The following PACRG variants were observed in gnomAD, a reference collection of about 807,000 sequenced individuals.
PACRG encodes parkin coregulated.
In PACRG, 29 loss-of-function variants were observed where a neutral mutation model predicts 29.7. The observed-to-expected ratio is 0.98, with a 90% CI of 0.73 to 1.33. PACRG has a LOEUF of 1.33. Ranked by LOEUF, PACRG falls within the 40% of genes most tolerant of loss-of-function variation. The pLI, the probability that PACRG is intolerant of heterozygous loss-of-function variation, is 0.00. For synonymous variants in PACRG, 116 were observed against 118.7 expected (o/e 0.98, Z 0.15); for missense variants, 279 against 316.2 (o/e 0.88, Z 0.89).
chr6:163,100,405 A>G (rs1001445895), intron 4 of PACRG, among the ~76,000 whole-genome samples: 1 of 152,160 alleles, frequency 6.6e-6, no homozygotes. Flanking sequence ...GGGAAGGCCC[A>G]GGCGTCGCGC....
chr6:163,018,996 T>A, intron 2 of PACRG, among the ~76,000 whole-genome samples: 1 of 152,356 alleles, frequency 6.6e-6, no homozygotes, highest in East Asian at 1.9e-4. Flanking sequence ...AATTTAGGCA[T>A]CATTTCCTGA....
rs1033269929 is a variant in PACRG at position 163,200,931 on chromosome 6, G to C, written c.613+111523G>C. 2.6e-5 allele frequency among the ~76,000 whole-genome samples: 4 copies of C among 152,156 alleles called. No individual in the cohort carries two copies. The East Asian group carries it at 7.7e-4, about 29-fold the overall frequency. On this transcript the variant is annotated intron_variant, in intron 4 of 4. Coordinates refer to ENST00000366888, the MANE Select transcript of PACRG (RefSeq NM_001080379.2). ...GGCCCCAGAACCCAGGCACTGGGCC[G>C]GATCAGGCCCCAGGCCCCAGGCCCC...
At chr6:163,223,909 G>A (rs1781684323) in intron 4 of PACRG, among the ~76,000 whole-genome samples, 1 of 152,170 alleles carries the variant, frequency 6.6e-6, no homozygotes, top group Non-Finnish European at 1.5e-5. Flanking sequence ...CCCTGGAAAT[G>A]GGCTCTGAGT....
chr6:163,001,035 C>T (rs951654975), intron 2 of PACRG, among the ~76,000 whole-genome samples: 18 of 152,084 alleles, frequency 1.2e-4, no homozygotes, highest in Non-Finnish European at 2.1e-4. Flanking sequence ...CCGAAAGAGC[C>T]CTGTCTGCAG....
At chr6:162,889,949 T>C (rs999228916) in intron 2 of PACRG, among the ~76,000 whole-genome samples, 28 of 152,236 alleles carry the variant, frequency 1.8e-4, no homozygotes, top group East Asian at 5.8e-4. Context: ...TCAACAGACA[T>C]TGTAATGGTG....
intron 4 of PACRG, among the ~76,000 whole-genome samples, chr6:163,158,728 G>A (rs1204277303): frequency 6.6e-6 from 1 of 152,108 alleles, no homozygotes; most frequent in Non-Finnish European, 1.5e-5. Flanking sequence ...GACATTACTA[G>A]GAAATAATAT....
intron 4 of PACRG, among the ~76,000 whole-genome samples, chr6:163,291,429 G>A (rs1447755403): frequency 6.7e-6 from 1 of 149,392 alleles, no homozygotes; most frequent in African/African-American, 2.5e-5. Flanking sequence ...TGGCCTGCGG[G>A]TCACCCTGCA....
chr6:163,031,616 T>C (rs1467425656), intron 2 of PACRG, among the ~76,000 whole-genome samples: 1 of 152,230 alleles, frequency 6.6e-6, no homozygotes, highest in East Asian at 1.9e-4. Context: ...TGATTATTTG[T>C]ATAAAGTACA....
intron 4 of PACRG, among the ~76,000 whole-genome samples, chr6:163,272,125 A>C (rs1585389292): frequency 7.0e-6 from 1 of 142,456 alleles, no homozygotes. Flanking sequence ...TGCAACCTCC[A>C]CCTCCCAGGT....
At position 162,802,217 on chromosome 6, in the gene PACRG, G is replaced by T. The variant is rs560487550; in HGVS notation, c.157-11930G>T. On this transcript the variant is annotated intron_variant, in intron 1 of 4. Coordinates refer to ENST00000366888, the MANE Select transcript of PACRG (RefSeq NM_001080379.2). Reference sequence around the variant, plus strand: ...ATTTGAGTTGTATTTTTCCCCGCTCGTACTAAACCTAGTAACTTGTGAAAA... The same window carrying T: ...ATTTGAGTTGTATTTTTCCCCGCTCTTACTAAACCTAGTAACTTGTGAAAA... Among the ~76,000 whole-genome samples, 4 of 152,044 alleles carry T rather than the reference G, an allele frequency of 2.6e-5. No homozygotes were observed. The East Asian group carries it at 5.8e-4, about 22-fold the overall frequency.
chr6:163,076,370 AGATCCCCTCTT>A (rs747137566), intron 3 of PACRG, among the ~76,000 whole-genome samples: 5 of 152,098 alleles, frequency 3.3e-5, no homozygotes, highest in Non-Finnish European at 5.9e-5. Context: ...CTCGCTTCCA[AGATCCCCTCTT>A]CCAATTTTCT....
intron 4 of PACRG, among the ~76,000 whole-genome samples, chr6:163,145,047 A>G (rs1777741257): frequency 6.6e-6 from 1 of 152,180 alleles, no homozygotes; most frequent in Admixed American, 6.5e-5. Flanking sequence ...TATTGATGCT[A>G]CATCTCAGTG....
chr6:163,245,296 C>A (rs1782650507), intron 4 of PACRG: 1 of 225,386 alleles, frequency 4.4e-6, no homozygotes, highest in Non-Finnish European at 9.0e-6. Context: ...ACTATCGATT[C>A]TATAAACTAT....
chr6:163,179,750 G>T (rs56242030), intron 4 of PACRG, among the ~76,000 whole-genome samples: 13,409 of 151,642 alleles, frequency 0.088, 639 homozygotes, highest in South Asian at 0.13. Flanking sequence ...TAGTTTTCTT[G>T]CATGGCCTAT....
chr6:163,273,866 TG>T (rs1783931256), intron 4 of PACRG, among the ~76,000 whole-genome samples: 1 of 152,228 alleles, frequency 6.6e-6, no homozygotes, highest in Non-Finnish European at 1.5e-5. Flanking sequence ...CCATTTATTT[TG>T]TTGCTCCTTG....
At chr6:163,004,729 T>TAC (rs1357870708) in intron 2 of PACRG, among the ~76,000 whole-genome samples, 5 of 142,258 alleles carry the variant, frequency 3.5e-5, no homozygotes, top group African/African-American at 1.4e-4. Context: ...TGTGTGTGTA[T>TAC]ATATATATAC....
At chr6:162,744,442 T>G (rs1317262802) in intron 1 of PACRG, among the ~76,000 whole-genome samples, 1 of 152,096 alleles carries the variant, frequency 6.6e-6, no homozygotes, top group South Asian at 2.1e-4. Flanking sequence ...AAACATTTTT[T>G]AAATAAGCCA....
At chr6:162,795,038 G>A (rs1257316679) in intron 1 of PACRG, among the ~76,000 whole-genome samples, 2 of 151,932 alleles carry the variant, frequency 1.3e-5, no homozygotes, top group Non-Finnish European at 2.9e-5. Flanking sequence ...GTGGTAGGTC[G>A]CATTAAGAAA....
rs562547973 is a variant in PACRG at position 162,788,914 on chromosome 6, G to A, written c.157-25233G>A. On this transcript the variant is annotated intron_variant, in intron 1 of 4. Transcript: ENST00000366888. Reference sequence around the variant, plus strand: ...TATTAGAATAACAGGCTTTTATTATGTGTATCATTTGTAAATATTTTCTTC... The same window carrying A: ...TATTAGAATAACAGGCTTTTATTATATGTATCATTTGTAAATATTTTCTTC... Among the ~76,000 whole-genome samples, 10 of 151,958 alleles carry A rather than the reference G, an allele frequency of 6.6e-5. No homozygotes were observed. In the East Asian group the frequency reaches 1.7e-3, roughly 27 times the overall value.
Sources: allele counts gnomAD v4.1 joint callset (sites outside exome capture counted in the v4.1 genomes callset), GRCh38; gene constraint gnomAD v4.1.1; transcripts MANE v1.5; gene names NCBI Gene and HGNC (gene_info 2026-07-23, HGNC 2026-07-21).